The following GHRH variants were observed in gnomAD, a reference collection of about 807,000 sequenced individuals.
GHRH encodes somatoliberin.
In GHRH, 7 loss-of-function variants were observed where a neutral mutation model predicts 15.6. The ratio of observed to expected loss-of-function variants is 0.45; its 90% confidence interval spans 0.26 to 0.84. The LOEUF (loss-of-function observed/expected upper bound fraction) is 0.84. GHRH is among the 40% of genes least tolerant of loss of function. The probability of loss-of-function intolerance (pLI) is 0.18; values close to 1 mark genes in which losing one functional copy is unlikely to be tolerated. For synonymous variants in GHRH, 54 were observed against 50.4 expected (o/e 1.07, Z -0.30); for missense variants, 117 against 138.0 (o/e 0.85, Z 0.76).
At chr20:37,256,685 G>T (rs2068658283) in intron 2 of GHRH, 122 bp downstream of exon 2, 1 of 822,200 alleles carries the variant, frequency 1.2e-6, no homozygotes, top group Non-Finnish European at 2.0e-6. Flanking sequence ...AGGACGGGCA[G>T]TGGGTGCTGC....
chr20:37,254,920 C>T (rs1279027348), intron 3 of GHRH, among the ~76,000 whole-genome samples: 2 of 152,018 alleles, frequency 1.3e-5, no homozygotes, highest in Admixed American at 6.6e-5. Context: ...GATTGGGTCC[C>T]AGATCAGAAA....
intron 4 of GHRH, among the ~76,000 whole-genome samples, chr20:37,253,606 T>G (rs970837630): frequency 6.6e-6 from 1 of 152,144 alleles, no homozygotes. Context: ...TAATATTGAT[T>G]GATTGATTGA....
chr20:37,256,397 T>G lies in GHRH; in HGVS notation c.185A>C (p.Gln62Pro). 1 of 1,605,140 alleles carries G rather than the reference T, an allele frequency of 6.2e-7. No homozygotes were observed. The highest frequency in any genetic ancestry group is 8.5e-7 in the Non-Finnish European group (1 of 1,173,036). ...AATCACTAGAACTCCTGCTTACCCC[T>G]GCTGCCTGCTCATGATGTCCTGGAG... ...KLLQDIMSRQ[Q>P]GESNQERGAR... The change falls in exon 3 of 5, where the codon CAG becomes CCG. Residue 62 changes from glutamine (Q) to proline (P), a missense_variant. Coordinates refer to ENST00000373614, the MANE Select transcript of GHRH (RefSeq NM_021081.6).
At chr20:37,256,735 G>T in intron 2 of GHRH, 72 bp downstream of exon 2, 1 of 1,213,190 alleles carries the variant, frequency 8.2e-7, no homozygotes, top group Non-Finnish European at 1.2e-6. Context: ...GGCTGAGTCT[G>T]CATTCACTAA....
rs2068672883 is a variant in GHRH, at chr20:37,258,905, A to G, written c.-19-1997T>C. ...CAGGCATGTGCCATCATGCCCAGCT[A>G]ATTTTGAAATTTTTTGTAAAGATAA... On this transcript the variant is annotated intron_variant, in intron 1 of 4. Transcript: ENST00000373614. The surrounding 1 kb of genome is among the most constrained non-coding windows in gnomAD (Gnocchi z 4.1). Among the ~76,000 whole-genome samples the G allele has an allele frequency of 6.6e-6, 1 of 151,938 alleles. No individual in the cohort carries two copies. Among genetic ancestry groups the G allele is most frequent in the African/African-American group, 2.4e-5 (1 of 41,342 alleles).
intron 3 of GHRH, among the ~76,000 whole-genome samples, chr20:37,256,026 T>TA: frequency 6.6e-6 from 1 of 151,922 alleles, no homozygotes. Context: ...ACCCTGTCTC[T>TA]AAAAAAAAGA....
rs770654030 is a variant in GHRH, at chr20:37,256,490, C to T, written c.92G>A (p.Arg31Gln). ...PPPPLTLRMRRYADAIFTNSY... is the reference protein window; with the variant it reads ...PPPPLTLRMRQYADAIFTNSY... ...GTTGGTGAAGATGGCATCTGCATAC[C>T]GCCGCATCCTGTGCGGAAGGAGTCA... The change falls in exon 3 of 5, where the codon CGG becomes CAG. Residue 31 changes from arginine to glutamine, a missense_variant. By Grantham distance (43) the Arg-to-Gln change is conservative. Transcript: ENST00000373614. 6.2e-6 allele frequency: 10 copies of T among 1,610,610 alleles called. No individual in the cohort carries two copies. The highest frequency in any genetic ancestry group is 1.7e-5 in the Admixed American group (1 of 59,892).
intron 4 of GHRH, among the ~76,000 whole-genome samples, chr20:37,252,073 C>T (rs2068624333): frequency 6.6e-6 from 1 of 152,208 alleles, no homozygotes; most frequent in African/African-American, 2.4e-5. Flanking sequence ...AGCAGGTGAA[C>T]AATTACTTAA....
intron 4 of GHRH, among the ~76,000 whole-genome samples, chr20:37,251,612 G>A (rs952488331): frequency 6.6e-6 from 1 of 152,178 alleles, no homozygotes; most frequent in African/African-American, 2.4e-5. Flanking sequence ...TGCTGCTTCG[G>A]TGTGTTATGA....
At chr20:37,259,322 G>T (rs2068675819) in intron 1 of GHRH, among the ~76,000 whole-genome samples, 1 of 151,998 alleles carries the variant, frequency 6.6e-6, no homozygotes, top group African/African-American at 2.4e-5. Flanking sequence ...CCTCCTCATC[G>T]CACCATACCA....
intron 4 of GHRH, among the ~76,000 whole-genome samples, chr20:37,251,649 G>T (rs1473935981): frequency 6.6e-6 from 1 of 152,218 alleles, no homozygotes; most frequent in Non-Finnish European, 1.5e-5. Context: ...GGTCGCTGCT[G>T]TCCTGTACCC....
intron 1 of GHRH, among the ~76,000 whole-genome samples, 191 bp downstream of exon 1, chr20:37,261,552 A>T (rs890318180): frequency 1.3e-5 from 2 of 152,190 alleles, no homozygotes; most frequent in Non-Finnish European, 2.9e-5. Flanking sequence ...CCCAAACAGC[A>T]CCATCAAAAG....
rs527496128 is a variant in GHRH, at chr20:37,258,545, C to A, written c.-19-1637G>T. On this transcript the variant is annotated intron_variant, in intron 1 of 4. Transcript: ENST00000373614. The surrounding 1 kb of genome is among the most constrained non-coding windows in gnomAD (Gnocchi z 4.1). ...CACTCAGGGGGTCTGCTTACTGCAG[C>A]CTGAGACCCTGTACCTGCAGAGCTG... Among the ~76,000 whole-genome samples, 2 of 152,138 alleles carry A rather than the reference C, an allele frequency of 1.3e-5. No individual in the cohort carries two copies. The highest frequency in any genetic ancestry group is 6.5e-5 in the Admixed American group (1 of 15,274).
intron 1 of GHRH, among the ~76,000 whole-genome samples, chr20:37,257,952 A>G (rs1266559901): frequency 6.6e-6 from 1 of 152,224 alleles, no homozygotes; most frequent in Non-Finnish European, 1.5e-5. Context: ...AAGGGCTCTA[A>G]GTCTTGCTCC....
Position 37,254,337 on chromosome 20 carries a change from G to T in GHRH, c.189-8C>A. ...CGCTCTTGGTTGCTCTCTCTGTGTGGTTAGAAAAAGAGAACTAGTTGCTAT... is the reference window on the plus strand; with the variant it reads ...CGCTCTTGGTTGCTCTCTCTGTGTGTTTAGAAAAAGAGAACTAGTTGCTAT... On this transcript the variant is annotated splice_polypyrimidine_tract_variant and splice_region_variant and intron_variant, in intron 3 of 4. Coordinates refer to ENST00000373614, the MANE Select transcript of GHRH (RefSeq NM_021081.6). 6.2e-7 allele frequency: 1 copy of T among 1,614,116 alleles called. No individual in the cohort carries two copies. The highest frequency in any genetic ancestry group is 8.5e-7 in the Non-Finnish European group (1 of 1,179,958).
At chr20:37,254,506 A>G (rs2068644260) in intron 3 of GHRH, among the ~76,000 whole-genome samples, 177 bp from the exon 4 acceptor site, 1 of 152,198 alleles carries the variant, frequency 6.6e-6, no homozygotes. Flanking sequence ...GTACAAGTGT[A>G]CACAGTTGCA....
At position 37,254,239 on chromosome 20, in the gene GHRH, G is replaced by A; in HGVS notation, c.279C>T (p.Ser93=). 1.2e-6 allele frequency: 2 copies of A among 1,614,142 alleles called. No individual in the cohort carries two copies. Among genetic ancestry groups the A allele is most frequent in the Non-Finnish European group, 1.7e-6 (2 of 1,179,996 alleles). The change falls in exon 4 of 5, where the codon AGC becomes AGT. Residue 93 remains serine (S), a synonymous_variant. Coordinates refer to ENST00000373614, the MANE Select transcript of GHRH (RefSeq NM_021081.6). ...WAEQKQMELE[S]ILVALLQKHS... ...GCTTCTGCAGCAGGGCCACCAGGAT[G>A]CTCTCCAATTCCATTTGCTTTTGTT...
rs533798214 is a variant in GHRH, at chr20:37,256,680, G to C, written c.83+127C>G. The stretch of plus-strand genomic sequence containing the variant: ...CTGTGTCTGCCTCCTCTGCAAGGAC[G>C]GGCAGTGGGTGCTGCCTGGAGACAT... On this transcript the variant is annotated intron_variant, in intron 2 of 4. Transcript: ENST00000373614. The C allele has an allele frequency of 2.4e-3, 1,877 of 792,456 alleles. 11 individuals are homozygous for C. Among genetic ancestry groups the C allele is most frequent in the Non-Finnish European group, 2.3e-3 (1,131 of 485,534 alleles). 49.1% of individuals were successfully genotyped at this position (792,456 alleles called of 1,614,324 possible). A position where few individuals can be genotyped will look rare whatever the true frequency, so the allele number is the denominator to read the frequency against.
At chr20:37,261,379 C>A (rs915300349) in intron 1 of GHRH, among the ~76,000 whole-genome samples, 9 of 152,234 alleles carry the variant, frequency 5.9e-5, no homozygotes, top group African/African-American at 2.2e-4. Flanking sequence ...AGCCACTTGG[C>A]TCATCTCTGA....
Sources: gnomAD v4.1 joint callset for allele counts (sites outside exome capture counted in the v4.1 genomes callset) on GRCh38, gnomAD v4.1.1 for gene constraint, Gnocchi (gnomAD v3.1) non-coding constraint, MANE v1.5 for transcripts, NCBI Gene and HGNC (gene_info 2026-07-23, HGNC 2026-07-21) for gene names.